GUCY1A2: variants seen among roughly 807,000 people sequenced by gnomAD.
GUCY1A2 encodes the protein guanylate cyclase 1 soluble subunit alpha 2.
GUCY1A2 carries 27 observed loss-of-function variants against 63.5 expected under a neutral mutation model. The ratio of observed to expected loss-of-function variants is 0.43; its 90% confidence interval spans 0.31 to 0.59. The LOEUF is 0.59. Among genes scored for constraint, GUCY1A2 ranks in the 20% least tolerant of loss-of-function variants. The probability of loss-of-function intolerance (pLI) is 0.11; values close to 1 mark genes in which losing one functional copy is unlikely to be tolerated. For synonymous variants in GUCY1A2, 364 were observed against 343.5 expected (o/e 1.06, Z -0.66); for missense variants, 768 against 913.3 (o/e 0.84, Z 2.05).
At chr11:106,862,251 A>G (rs1859523055) in intron 4 of GUCY1A2, among the ~76,000 whole-genome samples, 1 of 152,018 alleles carries the variant, frequency 6.6e-6, no homozygotes, top group Non-Finnish European at 1.5e-5. Context: ...ACCTCAAACA[A>G]GTTCCTAAGT....
intron 7 of GUCY1A2, among the ~76,000 whole-genome samples, chr11:106,692,752 C>T (rs538599064): frequency 9.2e-5 from 14 of 152,158 alleles, no homozygotes; most frequent in South Asian, 2.1e-4. Flanking sequence ...CTATCTCTGA[C>T]GATAATATGT....
chr11:106,941,528 T>C (rs1230757048), intron 3 of GUCY1A2, among the ~76,000 whole-genome samples: 1 of 152,220 alleles, frequency 6.6e-6, no homozygotes, highest in Non-Finnish European at 1.5e-5. Flanking sequence ...TCTTGCCCCA[T>C]TTCCATCATC....
intron 6 of GUCY1A2, 107 bp from the exon 7 acceptor site, chr11:106,708,773 T>C: frequency 1.5e-6 from 1 of 654,834 alleles, no homozygotes; most frequent in Non-Finnish European, 2.3e-6. Context: ...AAAAAAAAAC[T>C]ATGAGCTCCT....
rs1782942684 is a variant in GUCY1A2, at chr11:106,681,107, C to T, written c.*6442G>A. ...AAACATGATTTTTTCATTTCGAAAT[C>T]TGAAAGCTTTAGTGTTTTTTCAGTA... On this transcript the variant is annotated 3_prime_UTR_variant, in exon 8 of 8. Coordinates refer to ENST00000526355, the MANE Select transcript of GUCY1A2 (RefSeq NM_000855.3). The T allele has an allele frequency of 9.5e-6, 2 of 210,284 alleles. No individual in the cohort carries two copies. The highest frequency in any genetic ancestry group is 4.5e-5 in the African/African-American group (2 of 44,092). 13.0% of individuals were successfully genotyped at this position (210,284 alleles called of 1,614,324 possible). A position where few individuals can be genotyped will look rare whatever the true frequency, so the allele number is the denominator to read the frequency against.
At chr11:106,864,098 G>A (rs190992345) in intron 4 of GUCY1A2, among the ~76,000 whole-genome samples, 73 of 152,024 alleles carry the variant, frequency 4.8e-4, no homozygotes, top group African/African-American at 1.7e-3. Context: ...ATACCATTAG[G>A]AGAAACACCT....
intron 4 of GUCY1A2, among the ~76,000 whole-genome samples, chr11:106,845,710 A>G (rs1859261314): frequency 6.6e-6 from 1 of 151,782 alleles, no homozygotes; most frequent in African/African-American, 2.4e-5. Context: ...GTTGTGCTTA[A>G]GAAGATTAGG....
chr11:106,715,045 A>G (rs188643228), intron 6 of GUCY1A2, among the ~76,000 whole-genome samples: 1 of 152,340 alleles, frequency 6.6e-6, no homozygotes, highest in East Asian at 1.9e-4. Context: ...TTAAGGATAT[A>G]TCGTGAGGTT....
intron 6 of GUCY1A2, among the ~76,000 whole-genome samples, chr11:106,738,063 T>G (rs922501929): frequency 2.6e-5 from 4 of 152,186 alleles, no homozygotes; most frequent in African/African-American, 9.7e-5. Flanking sequence ...AACTGTTGTT[T>G]CCTGACTTTT....
chr11:106,871,859 G>A (rs1049389656), intron 4 of GUCY1A2, among the ~76,000 whole-genome samples: 2 of 152,148 alleles, frequency 1.3e-5, no homozygotes, highest in Admixed American at 6.6e-5. Flanking sequence ...TGAATTAGGA[G>A]TATAGACAGG....
chr11:107,000,171 T>C (rs12285383), intron 1 of GUCY1A2, among the ~76,000 whole-genome samples: 10,491 of 152,226 alleles, frequency 0.069, 765 homozygotes, highest in African/African-American at 0.19. Flanking sequence ...AAGGGGAAGA[T>C]TGGTTTTCTT....
intron 7 of GUCY1A2, among the ~76,000 whole-genome samples, chr11:106,689,039 C>A (rs370223044): frequency 4.6e-5 from 7 of 152,120 alleles, no homozygotes; most frequent in Non-Finnish European, 1.0e-4. Flanking sequence ...CCTCCTAAGA[C>A]AGATTCATGT....
intron 4 of GUCY1A2, among the ~76,000 whole-genome samples, chr11:106,849,393 A>G (rs534885436): frequency 1.1e-4 from 16 of 150,504 alleles, no homozygotes; most frequent in Non-Finnish European, 2.2e-4. Flanking sequence ...ACTTTATACA[A>G]GCCTGCATAT....
At chr11:106,811,805 A>T (rs1262573398) in intron 4 of GUCY1A2, among the ~76,000 whole-genome samples, 3 of 152,052 alleles carry the variant, frequency 2.0e-5, no homozygotes, top group Non-Finnish European at 2.9e-5. Flanking sequence ...ATTCACTAAA[A>T]TATTGATTAT....
At chr11:106,959,560 C>T (rs1486351366) in intron 3 of GUCY1A2, among the ~76,000 whole-genome samples, 1 of 152,194 alleles carries the variant, frequency 6.6e-6, no homozygotes, top group East Asian at 1.9e-4. Context: ...TGACTCTAGG[C>T]ATTGCCTTCA....
chr11:106,953,384 T>C (rs1014753325), intron 3 of GUCY1A2, among the ~76,000 whole-genome samples: 1 of 152,212 alleles, frequency 6.6e-6, no homozygotes, highest in African/African-American at 2.4e-5. Context: ...CACTTGCTCA[T>C]GGTGGATAAG....
rs568146588 is a variant in GUCY1A2 at position 106,705,481 on chromosome 11, C to A, written c.1991+3031G>T. Among the ~76,000 whole-genome samples, 3 of 152,120 alleles carry A rather than the reference C, an allele frequency of 2.0e-5. No homozygotes were observed. The East Asian group carries it at 5.8e-4, about 29-fold the overall frequency. ...ACCAAAGTTAGTGATAACAGTCATA[C>A]AGTAAAATACCATTTATGAAAATTA... On this transcript the variant is annotated intron_variant, in intron 7 of 7. Coordinates refer to ENST00000526355, the MANE Select transcript of GUCY1A2 (RefSeq NM_000855.3).
chr11:106,754,418 A>G (rs1863937161), intron 6 of GUCY1A2, among the ~76,000 whole-genome samples: 1 of 152,200 alleles, frequency 6.6e-6, no homozygotes, highest in Non-Finnish European at 1.5e-5. Context: ...GAGAGAGGGC[A>G]TCCCTGTCTT....
intron 6 of GUCY1A2, among the ~76,000 whole-genome samples, chr11:106,766,649 A>C (rs761372771): frequency 2.0e-5 from 3 of 152,118 alleles, no homozygotes; most frequent in Non-Finnish European, 4.4e-5. Context: ...CAAAAACGTA[A>C]AAGCTAACTA....
Position 106,676,750 on chromosome 11 carries a change from A to AT in GUCY1A2, c.*10798dup, listed in dbSNP as rs138257433. 0.013 allele frequency: 2,438 copies of AT among 187,182 alleles called. 17 individuals carry two copies. The highest frequency in any genetic ancestry group is 0.029 in the African/African-American group (1,238 of 42,440). The allele number at this position is 187,182 out of a possible 1,614,324, so 11.6% of individuals were successfully genotyped here. On this transcript the variant is annotated 3_prime_UTR_variant, in exon 8 of 8. Coordinates refer to ENST00000526355, the MANE Select transcript of GUCY1A2 (RefSeq NM_000855.3). ...CAATTTCCCTACAAACAGAAAAAGC[A>AT]TTTTTTTTTTCTATTTCAGTCTTTA...
Sources: allele counts gnomAD v4.1 joint callset (sites outside exome capture counted in the v4.1 genomes callset), GRCh38; gene constraint gnomAD v4.1.1; transcripts MANE v1.5; gene names NCBI Gene and HGNC (gene_info 2026-07-23, HGNC 2026-07-21).